RAB40A: variants seen among roughly 807,000 people sequenced by gnomAD.
The protein encoded by RAB40A is RAB40A, member RAS oncogene family, also known as ras-related protein Rab-40A.
For missense variants in RAB40A, 145 were observed against 230.2 expected (o/e 0.63, Z 2.40); for synonymous variants, 65 against 99.9 (o/e 0.65, Z 2.08).
At chrX:103,518,177 A>G (rs977411183) in intron 1 of RAB40A, among the ~76,000 whole-genome samples, 1 of 111,625 alleles carries the variant, frequency 9.0e-6, no homozygotes, top group East Asian at 2.8e-4. Context: ...GTCACCTTAT[A>G]TATATGGAAT....
intron 2 of RAB40A, among the ~76,000 whole-genome samples, chrX:103,507,502 A>G (rs985589667): frequency 2.7e-5 from 3 of 111,334 alleles, no homozygotes; most frequent in African/African-American, 9.9e-5. Flanking sequence ...ATTAAAAAAC[A>G]CCTGCGGAGT....
At chrX:103,518,221 A>G (rs2073325621) in intron 1 of RAB40A, among the ~76,000 whole-genome samples, 3 of 111,862 alleles carry the variant, frequency 2.7e-5, no homozygotes, top group Admixed American at 9.5e-5. Flanking sequence ...CTATTTGCTT[A>G]TATTTTTAAA....
At chrX:103,514,086 A>C (rs1194414284) in intron 2 of RAB40A, among the ~76,000 whole-genome samples, 1 of 111,735 alleles carries the variant, frequency 8.9e-6, no homozygotes, top group Non-Finnish European at 1.9e-5. Context: ...GTAGCTCTGA[A>C]AGACAGTACA....
downstream of RAB40A, chrX:103,497,408 A>G: frequency 8.9e-6 from 1 of 111,777 alleles, no homozygotes; most frequent in Non-Finnish European, 1.9e-5. Flanking sequence ...CGATGTGTCA[A>G]ACAGGTGCTG....
At chrX:103,509,908 C>T (rs1190369406) in intron 2 of RAB40A, among the ~76,000 whole-genome samples, 4 of 109,014 alleles carry the variant, frequency 3.7e-5, no homozygotes, top group African/African-American at 1.3e-4. Flanking sequence ...CGGGTTCAAG[C>T]GATTCTCCTG....
In RAB40A at chrX:103,499,942, T is replaced by C; in HGVS notation, c.815A>G (p.Asn272Ser). The part of the protein sequence containing the change: ...PQSPPKNCTR[N>S]SCKIS Reference sequence around the variant, plus strand: ...CCTTCCTTAAGAAATTTTGCAGCTGTTTCTGGTGCAGTTTTTGGGTGGGCT... The same window carrying C: ...CCTTCCTTAAGAAATTTTGCAGCTGCTTCTGGTGCAGTTTTTGGGTGGGCT... Residue 272 changes from asparagine (N) to serine (S), a missense_variant, in exon 3 of 3, where the codon AAC (asparagine) becomes AGC (serine). Asn to Ser is a conservative substitution (Grantham distance 46). Coordinates refer to ENST00000304236, the MANE Select transcript of RAB40A (RefSeq NM_080879.3). 1 of 1,211,840 alleles carries C rather than the reference T, an allele frequency of 8.3e-7. No homozygotes were observed. The highest frequency in any genetic ancestry group is 1.1e-6 in the Non-Finnish European group (1 of 895,272).
At chrX:103,507,988 C>T (rs184999984) in intron 2 of RAB40A, among the ~76,000 whole-genome samples, 104 of 112,466 alleles carry the variant, frequency 9.2e-4, no homozygotes, top group African/African-American at 3.3e-3. Flanking sequence ...CATGTATATA[C>T]TTATTTGAAT....
At chrX:103,503,419 G>A (rs1405270594) in intron 2 of RAB40A, 4 of 753,584 alleles carry the variant, frequency 5.3e-6, no homozygotes, top group Non-Finnish European at 6.3e-6. Flanking sequence ...TCCACAGCAT[G>A]CACGGGACAA....
intron 2 of RAB40A, among the ~76,000 whole-genome samples, chrX:103,509,532 CT>C (rs1161477787): frequency 2.7e-5 from 2 of 73,580 alleles, no homozygotes; most frequent in African/African-American, 1.0e-4. Flanking sequence ...CTCTCCTCCC[CT>C]CTCCCTCTCC....
At chrX:103,511,019 T>C (rs987337551) in intron 2 of RAB40A, among the ~76,000 whole-genome samples, 5 of 112,279 alleles carry the variant, frequency 4.5e-5, no homozygotes, top group African/African-American at 1.6e-4. Flanking sequence ...TACATTGATG[T>C]ACTAACCCCA....
At chrX:103,505,778 T>C (rs1456995263) in intron 2 of RAB40A, among the ~76,000 whole-genome samples, 1 of 111,921 alleles carries the variant, frequency 8.9e-6, no homozygotes, top group Admixed American at 9.5e-5. Context: ...TAGCTCAATT[T>C]ATTATTATTT....
intron 2 of RAB40A, among the ~76,000 whole-genome samples, chrX:103,508,676 C>T (rs1006964114): frequency 8.9e-6 from 1 of 112,112 alleles, no homozygotes; most frequent in African/African-American, 3.2e-5. Flanking sequence ...AGAATGTTCT[C>T]TACATTCTTT....
chrX:103,503,232 A>G, intron 2 of RAB40A: 18 of 754,118 alleles, frequency 2.4e-5, no homozygotes, highest in Non-Finnish European at 2.8e-5. Flanking sequence ...AACACCAGGT[A>G]GCACTGACAG....
chrX:103,502,862 C>T, intron 2 of RAB40A: 1 of 763,611 alleles, frequency 1.3e-6, no homozygotes, highest in Non-Finnish European at 1.6e-6. Flanking sequence ...AATGAGAAAA[C>T]CTGTTGAGAG....
intron 2 of RAB40A, among the ~76,000 whole-genome samples, chrX:103,506,089 A>G (rs1251533413): frequency 1.8e-5 from 2 of 111,869 alleles, no homozygotes; most frequent in African/African-American, 6.5e-5. Context: ...CCAATTCTAC[A>G]TTCTCTTAAT....
rs775790078 is a variant in RAB40A at position 103,500,349 on chromosome X, C to G, written c.408G>C (p.Val136=). The change falls in exon 3 of 3, where the codon GTG becomes GTC. Residue 136 remains valine (V), a synonymous_variant. Transcript: ENST00000304236. The part of the protein sequence containing the change: ...NRLHLAFKRQ[V]PREQAQAYAE... ...CGTAGGCCTGGGCCTGCTCCCTGGG[C>G]ACCTGCCTCTTGAATGCCAGATGTA... is the stretch of plus-strand genomic sequence containing the variant. 8.3e-6 allele frequency: 10 copies of G among 1,209,994 alleles called. No individual in the cohort carries two copies. In the African/African-American group the frequency reaches 1.2e-4, roughly 15 times the overall value.
intron 2 of RAB40A, among the ~76,000 whole-genome samples, chrX:103,504,129 T>C (rs778025225): frequency 1.8e-4 from 20 of 111,116 alleles, no homozygotes; most frequent in East Asian, 8.5e-4. Flanking sequence ...AAACTAAACA[T>C]TGGGGACTCA....
chrX:103,512,581 A>G, intron 2 of RAB40A, among the ~76,000 whole-genome samples: 1 of 111,735 alleles, frequency 8.9e-6, no homozygotes, highest in East Asian at 2.8e-4. Flanking sequence ...ATCACAATAA[A>G]TATTAACCAT....
At chrX:103,510,556 A>G (rs985245235) in intron 2 of RAB40A, among the ~76,000 whole-genome samples, 5 of 112,342 alleles carry the variant, frequency 4.5e-5, no homozygotes, top group Non-Finnish European at 9.4e-5. Context: ...GTCTTTCACA[A>G]ATACATATAT....
Sources: gnomAD v4.1 joint callset for allele counts (sites outside exome capture counted in the v4.1 genomes callset) on GRCh38, gnomAD v4.1.1 for gene constraint, MANE v1.5 for transcripts, NCBI Gene and HGNC (gene_info 2026-07-23, HGNC 2026-07-21) for gene names.